FAM20B: variants seen among roughly 807,000 people sequenced by gnomAD.
FAM20B encodes the protein glycosaminoglycan xylosylkinase.
A neutral mutation model predicts 43.8 loss-of-function variants in FAM20B; 23 were observed. The ratio of observed to expected loss-of-function variants is 0.53; its 90% confidence interval spans 0.38 to 0.74. FAM20B has a LOEUF of 0.74. Among genes scored for constraint, FAM20B ranks in the 30% least tolerant of loss-of-function variants. FAM20B has a pLI of 0.00. For synonymous variants in FAM20B, 178 were observed against 192.4 expected, an observed-to-expected ratio of 0.93 and a Z score of 0.62; for missense variants, 440 against 510.5, an observed-to-expected ratio of 0.86 and a Z score of 1.33.
chr1:179,050,154 A>C, intron 2 of FAM20B, 125 bp from the exon 3 acceptor site: 1 of 623,406 alleles, frequency 1.6e-6, no homozygotes. Flanking sequence ...AGTTGTTTGC[A>C]GGGTTGACAG....
the FAM20B span, among the ~76,000 whole-genome samples, chr1:179,020,211 C>T: frequency 3.3e-3 from 506 of 151,606 alleles, 2 homozygotes; most frequent in African/African-American, 0.011. Context: ...ATGTAAATGC[C>T]TTTGAAGGAG....
At chr1:179,047,005 G>A (rs1423742518) in intron 2 of FAM20B, among the ~76,000 whole-genome samples, 2 of 152,058 alleles carry the variant, frequency 1.3e-5, no homozygotes, top group African/African-American at 2.4e-5. Context: ...CAAAAAAAAA[G>A]AGATCCTCAT....
intron 1 of FAM20B, among the ~76,000 whole-genome samples, chr1:179,037,644 G>A (rs1366256845): frequency 6.6e-6 from 1 of 151,762 alleles, no homozygotes; most frequent in Non-Finnish European, 1.5e-5. Context: ...CCACCACCAC[G>A]CCCAGCTAAT....
chr1:179,058,582 G>T (rs1651324383), intron 4 of FAM20B, among the ~76,000 whole-genome samples: 1 of 152,182 alleles, frequency 6.6e-6, no homozygotes. Flanking sequence ...TGTCACTGAA[G>T]GGCCTGTGTA....
chr1:179,050,506 CATTAAACTTGT>C (rs764757200), intron 3 of FAM20B, 141 bp downstream of exon 3: 10 of 603,500 alleles, frequency 1.7e-5, no homozygotes, highest in Non-Finnish European at 2.7e-5. Context: ...TGACTAGTTC[CATTAAACTTGT>C]ATGAGTCTCA....
rs112282462 is a variant in FAM20B at position 179,072,002 on chromosome 1, T to C, written c.1088T>C (p.Ile363Thr). The C allele has an allele frequency of 3.0e-4, 482 of 1,614,036 alleles. 4 individuals are homozygous for C. The African/African-American group carries it at 5.7e-3, about 19-fold the overall frequency. Reference protein sequence around the residue: ...ALKSAMAHDPISPVLSDPHLD... With the variant: ...ALKSAMAHDPTSPVLSDPHLD... ...AAATCTGCCATGGCCCATGACCCCA[T>C]CTCCCCAGTGCTCTCTGATCCTCAT... Residue 363 changes from isoleucine to threonine, a missense_variant, in exon 8 of 8, where the codon ATC becomes ACC. By Grantham distance (89) the Ile-to-Thr change is moderately conservative. Coordinates refer to ENST00000263733, the MANE Select transcript of FAM20B (RefSeq NM_014864.4).
At position 179,028,912 on chromosome 1, in the gene FAM20B, G is replaced by A. The variant is rs192160297; in HGVS notation, c.-134+2814G>A. On this transcript the variant is annotated intron_variant, in intron 1 of 7. Coordinates refer to ENST00000263733, the MANE Select transcript of FAM20B (RefSeq NM_014864.4). ...CTTTTTGTCAAAAGAAAAAAAAAGC[G>A]TAGAAAATGTGTTTCGGATTACTGT... Among the ~76,000 whole-genome samples, 307 of 152,276 alleles carry A rather than the reference G, an allele frequency of 2.0e-3. 1 individual carries two copies. The highest frequency in any genetic ancestry group is 7.1e-3 in the African/African-American group (297 of 41,542).
intron 6 of FAM20B, among the ~76,000 whole-genome samples, 188 bp downstream of exon 6, chr1:179,064,684 A>G (rs1466422684): frequency 6.6e-6 from 1 of 152,186 alleles, no homozygotes; most frequent in African/African-American, 2.4e-5. Flanking sequence ...ACTTCAAAAA[A>G]TGGAAAAGTG....
At chr1:179,041,311 G>A (rs1488682985) in intron 1 of FAM20B, among the ~76,000 whole-genome samples, 3 of 152,214 alleles carry the variant, frequency 2.0e-5, no homozygotes, top group South Asian at 2.1e-4. Flanking sequence ...AGGCGGCTGG[G>A]AGGTGGAGGT....
chr1:179,035,174 C>G, intron 1 of FAM20B: 1 of 379,462 alleles, frequency 2.6e-6, no homozygotes, highest in South Asian at 2.3e-5. Context: ...ATCACATGAT[C>G]TGTAGACCCC....
chr1:179,041,476 A>G (rs1650530120), intron 1 of FAM20B, among the ~76,000 whole-genome samples: 1 of 152,180 alleles, frequency 6.6e-6, no homozygotes, highest in Non-Finnish European at 1.5e-5. Context: ...CAACACGGCA[A>G]AACCCCGTCT....
At chr1:179,045,194 T>C (rs920562905) in intron 2 of FAM20B, among the ~76,000 whole-genome samples, 1 of 152,202 alleles carries the variant, frequency 6.6e-6, no homozygotes, top group African/African-American at 2.4e-5. Context: ...GCTTGGAGGG[T>C]ATAGTTAATT....
intron 2 of FAM20B, among the ~76,000 whole-genome samples, chr1:179,047,371 A>G (rs1650815882): frequency 6.6e-6 from 1 of 152,166 alleles, no homozygotes; most frequent in Non-Finnish European, 1.5e-5. Flanking sequence ...TAAAACATCC[A>G]GGGACTTCCC....
At chr1:179,035,017 C>T (rs1263603793) in intron 1 of FAM20B, among the ~76,000 whole-genome samples, 40 of 152,176 alleles carry the variant, frequency 2.6e-4, no homozygotes, top group Non-Finnish European at 5.9e-5. Context: ...GTATTGTGAG[C>T]TTGTCACTTA....
intron 4 of FAM20B, among the ~76,000 whole-genome samples, chr1:179,057,118 G>A (rs995687300): frequency 1.3e-5 from 2 of 152,162 alleles, no homozygotes; most frequent in African/African-American, 4.8e-5. Context: ...GCCGAGGTGG[G>A]CAGATCACTT....
intron 2 of FAM20B, among the ~76,000 whole-genome samples, chr1:179,045,472 A>G (rs1317657565): frequency 6.6e-6 from 1 of 152,238 alleles, no homozygotes; most frequent in Non-Finnish European, 1.5e-5. Flanking sequence ...AACTATTAGT[A>G]AATGAAAGGC....
At chr1:179,030,492 A>G (rs907093978) in intron 1 of FAM20B, among the ~76,000 whole-genome samples, 4 of 152,224 alleles carry the variant, frequency 2.6e-5, no homozygotes, top group Non-Finnish European at 5.9e-5. Context: ...AGCCGATACT[A>G]GGAACCAGGT....
intron 7 of FAM20B, among the ~76,000 whole-genome samples, chr1:179,070,848 T>G (rs1651892139): frequency 6.6e-6 from 1 of 151,822 alleles, no homozygotes; most frequent in South Asian, 2.1e-4. Context: ...ACAGCATTAG[T>G]TCCACCCATG....
chr1:179,063,004 C>T (rs1203195730), intron 4 of FAM20B, among the ~76,000 whole-genome samples: 1 of 152,078 alleles, frequency 6.6e-6, no homozygotes, highest in Non-Finnish European at 1.5e-5. Flanking sequence ...AGGCCGGGCG[C>T]GGTAGCTCAC....
Sources: gnomAD v4.1 joint callset for allele counts (sites outside exome capture counted in the v4.1 genomes callset) on GRCh38, gnomAD v4.1.1 for gene constraint, MANE v1.5 for transcripts, NCBI Gene and HGNC (gene_info 2026-07-23, HGNC 2026-07-21) for gene names.